Variants in SLC43A1 observed in about 807,000 individuals in gnomAD.
SLC43A1 encodes the protein solute carrier family 43 member 1, also known as large neutral amino acids transporter small subunit 3.
A neutral mutation model predicts 59.5 loss-of-function variants in SLC43A1; 31 were observed. The ratio of observed to expected loss-of-function variants is 0.52; its 90% CI spans 0.39 to 0.70. The LOEUF is 0.70. Among genes scored for constraint, SLC43A1 ranks in the 30% least tolerant of loss-of-function variants. SLC43A1 has a pLI of 0.00. For synonymous variants in SLC43A1, 259 were observed against 290.9 expected (o/e 0.89, Z 1.12); for missense variants, 598 against 717.8 (o/e 0.83, Z 1.91).
At chr11:57,504,297 C>T (rs1944342729) in intron 2 of SLC43A1, among the ~76,000 whole-genome samples, 1 of 152,204 alleles carries the variant, frequency 6.6e-6, no homozygotes, top group Non-Finnish European at 1.5e-5. Flanking sequence ...CAAGGTCATA[C>T]ACGTCCTCAC....
intron 2 of SLC43A1, among the ~76,000 whole-genome samples, chr11:57,508,982 G>T (rs891310884): frequency 6.6e-5 from 10 of 151,774 alleles, no homozygotes; most frequent in Non-Finnish European, 1.3e-4. Flanking sequence ...CAAGCATGGT[G>T]GTACACGCCT....
chr11:57,508,844 C>T (rs1420110944), intron 2 of SLC43A1, among the ~76,000 whole-genome samples: 5 of 152,160 alleles, frequency 3.3e-5, no homozygotes, highest in East Asian at 1.9e-4. Flanking sequence ...GGACTGGGCA[C>T]GGTGGCTCCC....
At chr11:57,508,267 C>CAA (rs56859989) in intron 2 of SLC43A1, among the ~76,000 whole-genome samples, 108 of 138,606 alleles carry the variant, frequency 7.8e-4, no homozygotes, top group South Asian at 3.9e-3. Flanking sequence ...ATTCCATCTC[C>CAA]AAAAAAAAAA....
intron 8 of SLC43A1, among the ~76,000 whole-genome samples, chr11:57,493,197 T>C (rs910966203): frequency 6.6e-6 from 1 of 152,232 alleles, no homozygotes; most frequent in Non-Finnish European, 1.5e-5. Context: ...GTTAAATGAC[T>C]TGCTCAAGCT....
At chr11:57,489,094 G>T in intron 12 of SLC43A1, 105 bp from the exon 13 acceptor site, 2 of 1,429,402 alleles carry the variant, frequency 1.4e-6, no homozygotes, top group Non-Finnish European at 2.0e-6. Context: ...CCACCCCCTC[G>T]CCAACCCAAT....
intron 2 of SLC43A1, 147 bp downstream of exon 2, chr11:57,513,811 C>T: frequency 1.5e-6 from 1 of 676,390 alleles, no homozygotes; most frequent in South Asian, 1.7e-5. Context: ...CACCCAATCT[C>T]CCCCTGAAGT....
At chr11:57,498,393 A>G (rs530816666) in intron 5 of SLC43A1, among the ~76,000 whole-genome samples, 51 of 152,222 alleles carry the variant, frequency 3.4e-4, no homozygotes, top group Admixed American at 1.3e-3. Flanking sequence ...GTGAGCCGAG[A>G]TCGCACCACT....
chr11:57,504,925 C>A (rs776803727), intron 2 of SLC43A1, among the ~76,000 whole-genome samples: 2 of 152,200 alleles, frequency 1.3e-5, no homozygotes, highest in Non-Finnish European at 2.9e-5. Context: ...GGATAAAAAT[C>A]CAAATTCTGA....
chr11:57,508,265 T>C (rs1472217589), intron 2 of SLC43A1, among the ~76,000 whole-genome samples: 1 of 82,838 alleles, frequency 1.2e-5, no homozygotes, highest in African/African-American at 3.3e-5. Flanking sequence ...AGATTCCATC[T>C]CCAAAAAAAA....
rs1203649665 is a variant in SLC43A1 at position 57,485,087 on chromosome 11, C to T, written c.*9G>A. Reference sequence around the variant, plus strand: ...TTGCCTGTCATCCAGGTCCCTTGGTCTGAGAAGTCTATGCGGTCACCTCAG... The same window carrying T: ...TTGCCTGTCATCCAGGTCCCTTGGTTTGAGAAGTCTATGCGGTCACCTCAG... On this transcript the variant is annotated 3_prime_UTR_variant, in exon 15 of 15. Coordinates refer to ENST00000278426, the MANE Select transcript of SLC43A1 (RefSeq NM_003627.6). 6.2e-7 allele frequency: 1 copy of T among 1,606,920 alleles called. No homozygotes were observed. Among genetic ancestry groups the T allele is most frequent in the Admixed American group, 1.7e-5 (1 of 58,146 alleles).
chr11:57,503,232 GC>G (rs1365435528), intron 2 of SLC43A1, among the ~76,000 whole-genome samples: 2 of 150,728 alleles, frequency 1.3e-5, no homozygotes, highest in East Asian at 3.9e-4. Flanking sequence ...GGACCACACA[GC>G]CTTTGGGGAT....
intron 11 of SLC43A1, among the ~76,000 whole-genome samples, chr11:57,490,796 T>C (rs1435227840): frequency 6.6e-6 from 1 of 152,198 alleles, no homozygotes; most frequent in African/African-American, 2.4e-5. Context: ...GCAATAAATA[T>C]CTAATATACC....
At chr11:57,493,880 G>T in intron 8 of SLC43A1, 113 bp downstream of exon 8, 2 of 970,918 alleles carry the variant, frequency 2.1e-6, no homozygotes, top group Non-Finnish European at 1.5e-6. Flanking sequence ...ACATCATGGG[G>T]TGTTGTAAGG....
chr11:57,509,632 AGG>A, intron 2 of SLC43A1, among the ~76,000 whole-genome samples: 1 of 129,924 alleles, frequency 7.7e-6, no homozygotes, highest in African/African-American at 2.8e-5. Context: ...GAAGGAAGGA[AGG>A]AAGGAAGGAA....
chr11:57,487,363 C>T (rs754639528), intron 13 of SLC43A1, 145 bp from the exon 14 acceptor site: 4 of 1,034,222 alleles, frequency 3.9e-6, no homozygotes, highest in Admixed American at 5.4e-5. Flanking sequence ...GCTCTTTGGT[C>T]CCCAGCCTTG....
chr11:57,496,271 T>C, intron 6 of SLC43A1, 107 bp from the exon 7 acceptor site: 1 of 1,303,804 alleles, frequency 7.7e-7, no homozygotes, highest in Non-Finnish European at 1.0e-6. Flanking sequence ...TCTCCCCTTG[T>C]CCTTGTGCCC....
At chr11:57,512,569 G>A (rs1012128214) in intron 2 of SLC43A1, among the ~76,000 whole-genome samples, 2 of 151,988 alleles carry the variant, frequency 1.3e-5, no homozygotes, top group East Asian at 3.9e-4. Flanking sequence ...AGTTACATAG[G>A]GGACAGTGGC....
At chr11:57,487,326 G>A in intron 13 of SLC43A1, 108 bp from the exon 14 acceptor site, 1 of 1,390,966 alleles carries the variant, frequency 7.2e-7, no homozygotes, top group African/African-American at 1.4e-5. Context: ...GCAGGGTGGT[G>A]CTTAAGCGTT....
At chr11:57,496,216 C>T in intron 6 of SLC43A1, 52 bp from the exon 7 acceptor site, 5 of 1,601,314 alleles carry the variant, frequency 3.1e-6, no homozygotes, top group Non-Finnish European at 4.3e-6. Context: ...CCCCAGACCC[C>T]ACCAAGGTAG....
Sources: allele counts gnomAD v4.1 joint callset (sites outside exome capture counted in the v4.1 genomes callset), GRCh38; gene constraint gnomAD v4.1.1; transcripts MANE v1.5; gene names NCBI Gene and HGNC (gene_info 2026-07-23, HGNC 2026-07-21).